BAD: variants seen among roughly 807,000 people sequenced by gnomAD.
The protein encoded by BAD is bcl2-associated agonist of cell death.
Under a neutral mutation model 17.8 loss-of-function variants are expected in BAD, and 18 were observed. The ratio of observed to expected loss-of-function variants is 1.01; its 90% CI spans 0.70 to 1.50. The LOEUF is 1.50. Among genes scored for constraint, BAD ranks in the 40% most tolerant of loss-of-function variants. The pLI is 0.00. For missense variants in BAD, 294 were observed against 239.3 expected (o/e 1.23, Z -1.51); for synonymous variants, 112 against 91.5 (o/e 1.22, Z -1.28).
chr11:64,275,461 G>A (rs1240705036), intron 2 of BAD, among the ~76,000 whole-genome samples: 2 of 152,136 alleles, frequency 1.3e-5, no homozygotes, highest in African/African-American at 4.8e-5. Context: ...TCTGTGAAAT[G>A]GGGGCAGTTC....
chr11:64,270,186 A>G lies in BAD; in HGVS notation c.*23T>C, dbSNP rs780082386. 3.1e-6 allele frequency: 5 copies of G among 1,613,866 alleles called. No homozygotes were observed. The highest frequency in any genetic ancestry group is 1.6e-4 in the Middle Eastern group (1 of 6,062). On this transcript the variant is annotated 3_prime_UTR_variant, in exon 4 of 4. Coordinates refer to ENST00000309032, the MANE Select transcript of BAD (RefSeq NM_032989.3). ...TGCCCAGGGCAGTGGGAACGGGTGG[A>G]GTTTCGGGATGTGGAGCGAAGGTCA... is the stretch of plus-strand genomic sequence containing the variant.
chr11:64,281,626 T>C (rs2033477249), intron 2 of BAD, among the ~76,000 whole-genome samples: 1 of 152,238 alleles, frequency 6.6e-6, no homozygotes, highest in Non-Finnish European at 1.5e-5. Context: ...TCTCTTCCCA[T>C]CATCCCTGTG....
intron 2 of BAD, among the ~76,000 whole-genome samples, chr11:64,279,108 T>C (rs2033257684): frequency 6.6e-6 from 1 of 152,104 alleles, no homozygotes; most frequent in African/African-American, 2.4e-5. Flanking sequence ...CCCTGTCTCC[T>C]TTCTGTACCT....
chr11:64,282,712 T>C (rs1376448523), intron 2 of BAD, among the ~76,000 whole-genome samples: 2 of 150,964 alleles, frequency 1.3e-5, no homozygotes, highest in Non-Finnish European at 3.0e-5. Flanking sequence ...ACCCCATCTC[T>C]AATAAAAATA....
chr11:64,277,599 A>G (rs1565348609), intron 2 of BAD, among the ~76,000 whole-genome samples: 2 of 152,114 alleles, frequency 1.3e-5, no homozygotes, highest in Non-Finnish European at 2.9e-5. Flanking sequence ...ATGCCCGGCT[A>G]ATTTTTTAAT....
rs192288267 is a variant in BAD at position 64,283,554 on chromosome 11, G to C, written c.187+628C>G. Among the ~76,000 whole-genome samples the C allele has an allele frequency of 2.0e-5, 3 of 152,338 alleles. No individual in the cohort carries two copies. The East Asian group carries it at 5.8e-4, about 29-fold the overall frequency. On this transcript the variant is annotated intron_variant, in intron 2 of 3. Coordinates refer to ENST00000309032, the MANE Select transcript of BAD (RefSeq NM_032989.3). ...TTGAGGTCATCTGCCCCTGGCCACT[G>C]TGCCAGGACAGTCCTGCTGTGGGTA...
At position 64,270,275 on chromosome 11, in the gene BAD, C is replaced by G. The variant is rs779121910; in HGVS notation, c.441G>C (p.Trp147Cys). The change falls in exon 4 of 4, where the codon TGG (tryptophan) becomes TGC (cysteine). Residue 147 changes from tryptophan (W) to cysteine (C), a missense_variant. Transcript: ENST00000309032. ...CCCACCAGGACTGGAAGACTCGCGTCCAGCTGGAGCTTTGCCGCATCTGCG... is the reference window on the plus strand; with the variant it reads ...CCCACCAGGACTGGAAGACTCGCGTGCAGCTGGAGCTTTGCCGCATCTGCG... ...TATQMRQSSS[W>C]TRVFQSWWDR... The G allele has an allele frequency of 5.3e-5, 84 of 1,590,224 alleles. No individual in the cohort carries two copies. Among genetic ancestry groups the G allele is most frequent in the Non-Finnish European group, 6.6e-5 (77 of 1,163,316 alleles).
intron 2 of BAD, among the ~76,000 whole-genome samples, chr11:64,282,211 T>A (rs1291204048): frequency 6.6e-6 from 1 of 152,126 alleles, no homozygotes; most frequent in African/African-American, 2.4e-5. Flanking sequence ...GAGCACTCAC[T>A]GTGTGGCGCG....
Position 64,278,089 on chromosome 11 carries a change from A to C in BAD, c.187+6093T>G, listed in dbSNP as rs568162479. ...GACTGCTTGAGGCCAGGAGTTCGAGACCAGCCTGAGCAACACAGAAAGACC... is the reference window on the plus strand; with the variant it reads ...GACTGCTTGAGGCCAGGAGTTCGAGCCCAGCCTGAGCAACACAGAAAGACC... On this transcript the variant is annotated intron_variant, in intron 2 of 3. Coordinates refer to ENST00000309032, the MANE Select transcript of BAD (RefSeq NM_032989.3). Among the ~76,000 whole-genome samples, 3 of 152,270 alleles carry C rather than the reference A, an allele frequency of 2.0e-5. No individual in the cohort carries two copies. The East Asian group carries it at 5.8e-4, about 29-fold the overall frequency.
At chr11:64,274,940 T>A (rs545218341) in intron 2 of BAD, among the ~76,000 whole-genome samples, 126 of 127,916 alleles carry the variant, frequency 9.9e-4, no homozygotes, top group African/African-American at 3.7e-3. Flanking sequence ...AGCTGAGATC[T>A]CACCATTGCA....
intron 2 of BAD, among the ~76,000 whole-genome samples, chr11:64,274,784 G>A (rs1232039173): frequency 2.6e-5 from 4 of 151,834 alleles, no homozygotes; most frequent in Non-Finnish European, 5.9e-5. Flanking sequence ...TTGCACCACT[G>A]CACTCCAGCC....
chr11:64,270,355 G>C lies in BAD; in HGVS notation c.379-18C>G. On this transcript the variant is annotated intron_variant, in intron 3 of 3. Transcript: ENST00000309032. Reference sequence around the variant, plus strand: ...AGTCCCTTCTGGTGGAGGGAGAAAAGGGTTACATGAGTTAGATTACCATGG... The same window carrying C: ...AGTCCCTTCTGGTGGAGGGAGAAAACGGTTACATGAGTTAGATTACCATGG... 1 of 1,530,522 alleles carries C rather than the reference G, an allele frequency of 6.5e-7. No individual in the cohort carries two copies. The highest frequency in any genetic ancestry group is 8.8e-7 in the Non-Finnish European group (1 of 1,136,972). The allele number at this position is 1,530,522 out of a possible 1,614,324, so 94.8% of individuals were successfully genotyped here. A position where few individuals can be genotyped will look rare whatever the true frequency, so the allele number is the denominator to read the frequency against.
At position 64,284,306 on chromosome 11, in the gene BAD, G is replaced by A. The variant is rs769270284; in HGVS notation, c.63C>T (p.Gly21=). 6 of 1,612,336 alleles carry A rather than the reference G, an allele frequency of 3.7e-6. No homozygotes were observed. Among genetic ancestry groups the A allele is most frequent in the Non-Finnish European group, 5.1e-6 (6 of 1,179,942 alleles). The change falls in exon 2 of 4, where the codon GGC becomes GGT. Residue 21 remains glycine (G), a synonymous_variant. Transcript: ENST00000309032. ...CGTCCCCTGCGGGGCTGGGGCCCAGGCCCCTCTCTGCAGAGCTGGAGTCTT... is the reference window on the plus strand; with the variant it reads ...CGTCCCCTGCGGGGCTGGGGCCCAGACCCCTCTCTGCAGAGCTGGAGTCTT... ...EQEDSSSAER[G]LGPSPAGDGP...
chr11:64,283,955 A>C (rs1565352732), intron 2 of BAD, among the ~76,000 whole-genome samples: 1 of 152,184 alleles, frequency 6.6e-6, no homozygotes, highest in Non-Finnish European at 1.5e-5. Flanking sequence ...TTTAGCTTTA[A>C]TGTGCACCAG....
chr11:64,270,900 G>GAC (rs71045754), intron 3 of BAD, among the ~76,000 whole-genome samples: 1,289 of 87,636 alleles, frequency 0.015, 80 homozygotes, highest in African/African-American at 0.029. Flanking sequence ...TGCCCTGTGA[G>GAC]ACACACACAC....
intron 2 of BAD, among the ~76,000 whole-genome samples, chr11:64,274,895 G>T (rs1424716141): frequency 7.0e-6 from 1 of 143,152 alleles, no homozygotes; most frequent in Admixed American, 7.5e-5. Context: ...TAAGGCACAA[G>T]AATCACTTGA....
chr11:64,283,560 G>A (rs1480753879), intron 2 of BAD, among the ~76,000 whole-genome samples: 1 of 152,252 alleles, frequency 6.6e-6, no homozygotes, highest in Middle Eastern at 3.2e-3. Flanking sequence ...CACTGTGCCA[G>A]GACAGTCCTG....
chr11:64,275,225 G>A (rs1160406974), intron 2 of BAD, among the ~76,000 whole-genome samples: 3 of 151,798 alleles, frequency 2.0e-5, no homozygotes, highest in Admixed American at 6.6e-5. Context: ...CAGGCGTGGC[G>A]GCTCATGCCT....
intron 2 of BAD, among the ~76,000 whole-genome samples, chr11:64,280,163 C>A (rs1292542207): frequency 6.7e-6 from 1 of 150,216 alleles, no homozygotes; most frequent in Non-Finnish European, 1.5e-5. Context: ...TAAAAACACA[C>A]AAAAAAATTA....
Sources: gnomAD v4.1 joint callset for allele counts (sites outside exome capture counted in the v4.1 genomes callset) on GRCh38, gnomAD v4.1.1 for gene constraint, MANE v1.5 for transcripts, NCBI Gene and HGNC (gene_info 2026-07-23, HGNC 2026-07-21) for gene names.